The following RPN1 variants were observed in gnomAD, a reference collection of about 807,000 sequenced individuals.
The protein encoded by RPN1 is dolichyl-diphosphooligosaccharide--protein glycosyltransferase subunit 1.
A neutral mutation model predicts 55.5 loss-of-function variants in RPN1; 12 were observed. The ratio of observed to expected loss-of-function variants is 0.22; its 90% CI spans 0.14 to 0.35. The LOEUF (loss-of-function observed/expected upper bound fraction) is 0.35, where lower values mean the gene tolerates loss of function less well. RPN1 is among the 10% of genes least tolerant of loss of function. RPN1 has a pLI of 1.00. For missense variants in RPN1, 679 were observed against 761.3 expected, an observed-to-expected ratio of 0.89 and a Z score of 1.27; for synonymous variants, 317 against 305.9, an observed-to-expected ratio of 1.04 and a Z score of -0.38.
chr3:128,623,469 T>G (rs979142618), intron 8 of RPN1, among the ~76,000 whole-genome samples: 2 of 152,032 alleles, frequency 1.3e-5, no homozygotes, highest in African/African-American at 4.8e-5. Flanking sequence ...GCCCAGGAGG[T>G]CGAGGCTGCA....
intron 3 of RPN1, among the ~76,000 whole-genome samples, chr3:128,633,647 G>T (rs969892543): frequency 2.0e-5 from 3 of 152,128 alleles, no homozygotes; most frequent in African/African-American, 7.2e-5. Flanking sequence ...GAAAAAAACT[G>T]TTTAACTATA....
chr3:128,629,900 T>C (rs1438977933), intron 5 of RPN1, 51 bp downstream of exon 5: 6 of 892,216 alleles, frequency 6.7e-6, no homozygotes, highest in African/African-American at 1.8e-5. Flanking sequence ...AAGAAAAAAA[T>C]TCACGAAATT....
chr3:128,635,681 CTATA>C (rs1559755915), intron 3 of RPN1, among the ~76,000 whole-genome samples: 1 of 111,530 alleles, frequency 9.0e-6, no homozygotes, highest in Non-Finnish European at 1.8e-5. Flanking sequence ...CTATAGATAT[CTATA>C]GATATACACA....
Position 128,637,813 on chromosome 3 carries a change from G to A in RPN1, c.619C>T (p.Pro207Ser), listed in dbSNP as rs1439575049. The A allele has an allele frequency of 6.2e-6, 10 of 1,611,928 alleles. No homozygotes were observed. The highest frequency in any genetic ancestry group is 8.5e-6 in the Non-Finnish European group (10 of 1,179,458). ...CCTGAGCTTACCTGACTATAGGCAG[G>A]CACATCTCTGAAAGGCCCATAATCC... ...LLDYGPFRDV[P>S]AYSQDTFKVH... is the part of the protein sequence containing the mutation. The change falls in exon 3 of 10, where the codon CCT becomes TCT. Residue 207 changes from proline to serine, a missense_variant. Transcript: ENST00000296255.
At chr3:128,647,866 G>A (rs957470206) in intron 1 of RPN1, among the ~76,000 whole-genome samples, 1 of 152,048 alleles carries the variant, frequency 6.6e-6, no homozygotes, top group Admixed American at 6.6e-5. Flanking sequence ...ATCATTAGAT[G>A]GGTCCTTGGT....
chr3:128,623,990 TAC>T (rs377398264), intron 8 of RPN1, among the ~76,000 whole-genome samples: 25 of 150,796 alleles, frequency 1.7e-4, no homozygotes, highest in South Asian at 6.3e-4. Flanking sequence ...CAGAAATAAT[TAC>T]ACACACACAC....
chr3:128,630,359 C>T (rs2069632530), intron 4 of RPN1, among the ~76,000 whole-genome samples: 1 of 152,198 alleles, frequency 6.6e-6, no homozygotes, highest in African/African-American at 2.4e-5. Flanking sequence ...TTCTTCTAAA[C>T]AGTAAATAAT....
intron 1 of RPN1, among the ~76,000 whole-genome samples, chr3:128,648,288 C>T (rs1283737990): frequency 6.6e-6 from 1 of 151,966 alleles, no homozygotes; most frequent in Non-Finnish European, 1.5e-5. Context: ...CCAGCTACTC[C>T]GGAGGCTGAG....
At chr3:128,644,748 CAGG>C (rs2069754087) in intron 2 of RPN1, 168 bp downstream of exon 2, 1 of 647,734 alleles carries the variant, frequency 1.5e-6, no homozygotes, top group African/African-American at 1.8e-5. Context: ...GGCTTGAGCT[CAGG>C]AGTTCAAGAC....
intron 1 of RPN1, among the ~76,000 whole-genome samples, chr3:128,650,332 A>G (rs911664940): frequency 4.6e-5 from 7 of 152,038 alleles, no homozygotes; most frequent in African/African-American, 1.7e-4. Context: ...GCGGGCGCGC[A>G]CCGGGGGCAG....
chr3:128,620,912 C>A (rs2069553867), intron 9 of RPN1, among the ~76,000 whole-genome samples: 1 of 152,200 alleles, frequency 6.6e-6, no homozygotes, highest in Non-Finnish European at 1.5e-5. Flanking sequence ...ATGCCCCTGG[C>A]ACATAGCAGC....
At chr3:128,622,115 A>G in intron 9 of RPN1, 49 bp downstream of exon 9, 1 of 1,589,286 alleles carries the variant, frequency 6.3e-7, no homozygotes, top group African/African-American at 1.3e-5. Flanking sequence ...CAAAGCAGTG[A>G]GGCATGGAGG....
At position 128,645,585 on chromosome 3, in the gene RPN1, G is replaced by A. The variant is rs906106945; in HGVS notation, c.262-602C>T. Among the ~76,000 whole-genome samples the A allele has an allele frequency of 8.6e-5, 13 of 151,828 alleles. 2 individuals carry two copies. The highest frequency in any genetic ancestry group is 3.9e-4 in the East Asian group (2 of 5,110). ...TGTAATCCCAACACTTTGGGAGGCTGAGGCGGGAGGATCACCAGGTCAGGA... is the reference window on the plus strand; with the variant it reads ...TGTAATCCCAACACTTTGGGAGGCTAAGGCGGGAGGATCACCAGGTCAGGA... On this transcript the variant is annotated intron_variant, in intron 1 of 9. Coordinates refer to ENST00000296255, the MANE Select transcript of RPN1 (RefSeq NM_002950.4).
Position 128,630,535 on chromosome 3 carries a change from C to G in RPN1, c.844-392G>C, listed in dbSNP as rs936408605. Among the ~76,000 whole-genome samples, 3 of 152,104 alleles carry G rather than the reference C, an allele frequency of 2.0e-5. No individual in the cohort carries two copies. In the East Asian group the frequency reaches 5.8e-4, roughly 29 times the overall value. ...AGAAAGGGTTTTTCTACCTGATATA[C>G]TTTATTGTATCTTCCAAATCTGTCA... On this transcript the variant is annotated intron_variant, in intron 4 of 9. Coordinates refer to ENST00000296255, the MANE Select transcript of RPN1 (RefSeq NM_002950.4).
chr3:128,649,315 C>A (rs1431688336), intron 1 of RPN1, among the ~76,000 whole-genome samples: 1 of 152,182 alleles, frequency 6.6e-6, no homozygotes, highest in East Asian at 1.9e-4. Context: ...CTGCTGTGGT[C>A]CACTTATACT....
Position 128,620,407 on chromosome 3 carries a change from G to C in RPN1, c.*4C>G, listed in dbSNP as rs2069550355. On this transcript the variant is annotated 3_prime_UTR_variant, in exon 10 of 10. Transcript: ENST00000296255. ...CTGGGCCCCCTGGAGGATGCGGGCA[G>C]GGGCTACAGGGCATCCAGGATGTGG... 1.2e-6 allele frequency: 2 copies of C among 1,608,274 alleles called. No homozygotes were observed. The highest frequency in any genetic ancestry group is 2.7e-5 in the African/African-American group (2 of 74,792).
intron 1 of RPN1, among the ~76,000 whole-genome samples, chr3:128,648,263 C>G (rs985336510): frequency 3.9e-5 from 6 of 152,106 alleles, no homozygotes; most frequent in Admixed American, 3.3e-4. Flanking sequence ...GGCGTGGCAG[C>G]ACGCGCCTGT....
chr3:128,648,814 C>T (rs749431248), intron 1 of RPN1, among the ~76,000 whole-genome samples: 32 of 152,202 alleles, frequency 2.1e-4, no homozygotes, highest in Admixed American at 1.1e-3. Flanking sequence ...ATCTCACAGC[C>T]ATAAAAGCCA....
intron 9 of RPN1, among the ~76,000 whole-genome samples, chr3:128,621,588 C>T (rs926837420): frequency 5.8e-4 from 88 of 152,220 alleles, no homozygotes; most frequent in African/African-American, 1.8e-3. Flanking sequence ...GAGTCAGTGA[C>T]TCTGAGGGGC....
Sources: gnomAD v4.1 joint callset for allele counts (sites outside exome capture counted in the v4.1 genomes callset) on GRCh38, gnomAD v4.1.1 for gene constraint, MANE v1.5 for transcripts, NCBI Gene and HGNC (gene_info 2026-07-23, HGNC 2026-07-21) for gene names.